ZNF804B: variants seen among roughly 807,000 people sequenced by gnomAD.
The protein encoded by ZNF804B is zinc finger protein 804B, also known as zinc finger 804B.
ZNF804B carries 80 observed loss-of-function variants against 101.4 expected under a neutral mutation model. That is an observed-to-expected ratio of 0.79 (90% CI 0.66 to 0.95). The LOEUF (loss-of-function observed/expected upper bound fraction) is 0.95. ZNF804B is among the 40% of genes least tolerant of loss of function. The pLI is 0.00. For synonymous variants in ZNF804B, 622 were observed against 558.8 expected (o/e 1.11, Z -1.59); for missense variants, 1,673 against 1,561.9 (o/e 1.07, Z -1.20).
intron 1 of ZNF804B, among the ~76,000 whole-genome samples, chr7:89,152,599 AATTTT>A (rs1446797175): frequency 2.0e-5 from 3 of 152,000 alleles, no homozygotes. Flanking sequence ...GGTGATTCAA[AATTTT>A]ATTTAGTCAT....
intron 1 of ZNF804B, among the ~76,000 whole-genome samples, chr7:89,118,655 C>T (rs1057235985): frequency 6.6e-6 from 1 of 152,134 alleles, no homozygotes; most frequent in African/African-American, 2.4e-5. Context: ...TTTGACCTTA[C>T]CTTGAAAATT....
At chr7:89,272,608 A>G (rs1377505417) in intron 2 of ZNF804B, among the ~76,000 whole-genome samples, 1 of 152,124 alleles carries the variant, frequency 6.6e-6, no homozygotes. Flanking sequence ...TCACAAAATA[A>G]CTAAGTTTTC....
chr7:88,883,409 TA>T (rs1215582304), intron 1 of ZNF804B, among the ~76,000 whole-genome samples: 1 of 152,096 alleles, frequency 6.6e-6, no homozygotes, highest in Non-Finnish European at 1.5e-5. Context: ...CATTGTTACA[TA>T]AGGCATGGCC....
At chr7:89,107,831 C>T (rs1307747603) in intron 1 of ZNF804B, among the ~76,000 whole-genome samples, 2 of 152,128 alleles carry the variant, frequency 1.3e-5, no homozygotes, top group Admixed American at 6.6e-5. Context: ...ACCGCTATTA[C>T]TAAGCGGCAT....
intron 1 of ZNF804B, among the ~76,000 whole-genome samples, chr7:88,956,262 G>GT (rs1290446980): frequency 3.3e-5 from 5 of 151,394 alleles, no homozygotes; most frequent in Non-Finnish European, 5.9e-5. Flanking sequence ...GAAAACCAGT[G>GT]TATCAAAGGG....
intron 1 of ZNF804B, among the ~76,000 whole-genome samples, chr7:89,080,494 A>C (rs1789680824): frequency 3.3e-5 from 5 of 151,972 alleles, no homozygotes; most frequent in Non-Finnish European, 7.4e-5. Context: ...AGAACCTCTA[A>C]TTAGCTCTTT....
At chr7:88,982,297 GTTTC>G (rs1191039305) in intron 1 of ZNF804B, among the ~76,000 whole-genome samples, 1 of 152,052 alleles carries the variant, frequency 6.6e-6, no homozygotes. Context: ...CTGAGGTTGA[GTTTC>G]TTTCTTGTAG....
intron 1 of ZNF804B, among the ~76,000 whole-genome samples, chr7:89,010,651 G>A (rs1421334293): frequency 6.6e-6 from 1 of 152,020 alleles, no homozygotes; most frequent in East Asian, 1.9e-4. Flanking sequence ...TATTTACTTT[G>A]TTTTCCCACC....
At chr7:88,845,668 C>T (rs999778937) in intron 1 of ZNF804B, among the ~76,000 whole-genome samples, 2 of 152,060 alleles carry the variant, frequency 1.3e-5, no homozygotes. Context: ...ATCTCACTTC[C>T]TTTGAGAAAA....
chr7:88,896,282 A>T (rs1478093831), intron 1 of ZNF804B, among the ~76,000 whole-genome samples: 1 of 152,208 alleles, frequency 6.6e-6, no homozygotes, highest in African/African-American at 2.4e-5. Context: ...TATCATACTA[A>T]TATAAGATGC....
chr7:88,933,779 A>G (rs1309060432), intron 1 of ZNF804B, among the ~76,000 whole-genome samples: 1 of 152,064 alleles, frequency 6.6e-6, no homozygotes, highest in South Asian at 2.1e-4. Flanking sequence ...AAACAAACAA[A>G]AACACATCCC....
intron 3 of ZNF804B, among the ~76,000 whole-genome samples, chr7:89,331,504 G>T (rs1289064966): frequency 6.6e-6 from 1 of 151,704 alleles, no homozygotes; most frequent in African/African-American, 2.4e-5. Context: ...TTATGAAAGA[G>T]TTACTGTAAG....
chr7:89,015,260 T>C (rs1364379053), intron 1 of ZNF804B, among the ~76,000 whole-genome samples: 1 of 152,066 alleles, frequency 6.6e-6, no homozygotes, highest in Non-Finnish European at 1.5e-5. Context: ...CTTGGTAGTA[T>C]ATTTTGAAAT....
intron 1 of ZNF804B, among the ~76,000 whole-genome samples, chr7:88,822,238 T>G (rs1289499701): frequency 6.6e-6 from 1 of 152,190 alleles, no homozygotes; most frequent in East Asian, 1.9e-4. Flanking sequence ...TATGAAGAAT[T>G]TTTTTAAGTG....
chr7:89,281,147 T>C (rs1028312388), intron 2 of ZNF804B, among the ~76,000 whole-genome samples: 1 of 152,214 alleles, frequency 6.6e-6, no homozygotes, highest in African/African-American at 2.4e-5. Context: ...GGTATTCTTC[T>C]TTAAGACCTG....
At chr7:89,293,941 T>C (rs896491708) in intron 2 of ZNF804B, among the ~76,000 whole-genome samples, 3 of 152,238 alleles carry the variant, frequency 2.0e-5, no homozygotes, top group Non-Finnish European at 2.9e-5. Context: ...TAAAATTGTT[T>C]TCCGGTTTTG....
At chr7:89,064,080 T>G (rs1413125517) in intron 1 of ZNF804B, among the ~76,000 whole-genome samples, 1 of 152,110 alleles carries the variant, frequency 6.6e-6, no homozygotes, top group Non-Finnish European at 1.5e-5. Context: ...GAGAAGGAGC[T>G]GAAGCAGGAT....
chr7:89,229,815 A>T (rs183045994), intron 2 of ZNF804B, among the ~76,000 whole-genome samples: 3 of 152,344 alleles, frequency 2.0e-5, no homozygotes, highest in East Asian at 3.9e-4. Flanking sequence ...AATTATGATT[A>T]AAAAATACAC....
chr7:89,203,272 G>T (rs1392058599), intron 1 of ZNF804B, among the ~76,000 whole-genome samples: 1 of 152,132 alleles, frequency 6.6e-6, no homozygotes, highest in Admixed American at 6.5e-5. Flanking sequence ...TCTGACTCCA[G>T]CTCACAAGCA....
Sources: gnomAD v4.1 joint callset for allele counts (sites outside exome capture counted in the v4.1 genomes callset) on GRCh38, gnomAD v4.1.1 for gene constraint, MANE v1.5 for transcripts, NCBI Gene and HGNC (gene_info 2026-07-23, HGNC 2026-07-21) for gene names.